Variants in C12orf76 observed in about 807,000 individuals in gnomAD.
C12orf76 encodes the protein chromosome 12 open reading frame 76, also known as uncharacterized protein C12orf76.
Under a neutral mutation model 6.8 loss-of-function variants are expected in C12orf76, and 6 were observed. The observed-to-expected ratio is 0.88, with a 90% CI of 0.48 to 1.73. The LOEUF is 1.73. Ranked by LOEUF, C12orf76 falls within the 40% of genes most tolerant of loss-of-function variation. C12orf76 has a pLI of 0.01. For missense variants in C12orf76, 99 were observed against 98.2 expected (o/e 1.01, Z -0.03); for synonymous variants, 56 against 43.7 (o/e 1.28, Z -1.11).
At chr12:110,053,926 A>C (rs1269779080), upstream of C12orf76, among the ~76,000 whole-genome samples, 1 of 152,064 alleles carries the variant, frequency 6.6e-6, no homozygotes, top group Non-Finnish European at 1.5e-5. Context: ...TTGACGAAAA[A>C]TACAAAAATT....
intron 2 of C12orf76, among the ~76,000 whole-genome samples, chr12:110,060,190 C>T (rs1418857439): frequency 6.6e-6 from 1 of 152,158 alleles, no homozygotes; most frequent in Non-Finnish European, 1.5e-5. Context: ...CACCCCATTA[C>T]ACTCCAGCCT....
intron 1 of C12orf76, 118 bp downstream of exon 1, chr12:110,048,236 TGCACCCCCC>T (rs1221582221): frequency 5.7e-6 from 7 of 1,222,646 alleles, no homozygotes; most frequent in Middle Eastern, 2.9e-4. Context: ...GGGCCTCACC[TGCACCCCCC>T]GCACTCACCC....
At chr12:110,068,292 G>T (rs975230736), upstream of C12orf76, among the ~76,000 whole-genome samples, 1 of 145,144 alleles carries the variant, frequency 6.9e-6, no homozygotes, top group East Asian at 1.9e-4. Flanking sequence ...AGAAGAAGAA[G>T]AAGAAGAAGA....
At chr12:110,048,562 G>A, upstream of C12orf76, 1 of 1,344,012 alleles carries the variant, frequency 7.4e-7, no homozygotes, top group Non-Finnish European at 9.5e-7. Context: ...CTCCTCCCAG[G>A]TCTCTCTGCG....
In C12orf76 at chr12:110,048,355, C is replaced by A; in HGVS notation, c.133+8G>T. ...TACCCGCCGCCCGCCAGCCCGAGGG[C>A]CGCTCACCCAGGTTCTGCCCTCGCA... On this transcript the variant is annotated splice_region_variant and intron_variant, in intron 1 of 1. Coordinates refer to ENST00000615315, the MANE Select transcript of C12orf76 (RefSeq NM_001389625.1). 1 of 1,499,058 alleles carries A rather than the reference C, an allele frequency of 6.7e-7. No homozygotes were observed. Among genetic ancestry groups the A allele is most frequent in the Non-Finnish European group, 8.9e-7 (1 of 1,129,066 alleles). The allele number at this position is 1,499,058 out of a possible 1,614,324, so 92.9% of individuals were successfully genotyped here.
At chr12:110,051,572 G>A (rs915576513), upstream of C12orf76, among the ~76,000 whole-genome samples, 8 of 152,056 alleles carry the variant, frequency 5.3e-5, no homozygotes, top group East Asian at 1.9e-4. Context: ...GATTACAGGC[G>A]CACGCCACCA....
upstream of C12orf76, among the ~76,000 whole-genome samples, chr12:110,069,160 G>A (rs538354270): frequency 2.6e-5 from 4 of 152,248 alleles, no homozygotes; most frequent in South Asian, 2.1e-4. Flanking sequence ...ATGGCTCATC[G>A]CCAGGCACGG....
At chr12:110,045,143 T>C (rs1054018211) in intron 1 of C12orf76, among the ~76,000 whole-genome samples, 1 of 152,220 alleles carries the variant, frequency 6.6e-6, no homozygotes, top group Non-Finnish European at 1.5e-5. Flanking sequence ...ATGTCATGTC[T>C]TAAAATAGCC....
At chr12:110,065,756 C>T in intron 2 of C12orf76, 2 of 1,598,284 alleles carry the variant, frequency 1.3e-6, no homozygotes, top group East Asian at 4.5e-5. Context: ...GATGGTTTCA[C>T]TTCTCTGCAT....
chr12:110,072,635 A>G (rs547532539), upstream of C12orf76, among the ~76,000 whole-genome samples: 20 of 152,316 alleles, frequency 1.3e-4, no homozygotes, highest in African/African-American at 4.8e-4. Context: ...AGAAAAAACA[A>G]AAACCAGCCA....
chr12:110,057,957 G>C (rs1272856307), intron 3 of C12orf76, among the ~76,000 whole-genome samples: 12 of 151,286 alleles, frequency 7.9e-5, no homozygotes, highest in Admixed American at 7.9e-4. Flanking sequence ...CCAGCTACTC[G>C]GGAGGCTGAG....
chr12:110,050,948 G>A (rs117982869), upstream of C12orf76: 4,875 of 710,482 alleles, frequency 6.9e-3, 20 homozygotes, highest in Non-Finnish European at 0.01. Context: ...TGACCCAATG[G>A]CTACCTTTGG....
upstream of C12orf76, chr12:110,050,708 A>G: frequency 2.3e-6 from 1 of 435,448 alleles, no homozygotes; most frequent in Non-Finnish European, 4.1e-6. Flanking sequence ...ATCATCAAGA[A>G]ATAATCATAA....
chr12:110,061,226 G>A (rs1448322197), intron 2 of C12orf76, among the ~76,000 whole-genome samples: 1 of 151,758 alleles, frequency 6.6e-6, no homozygotes, highest in African/African-American at 2.4e-5. Flanking sequence ...CCCCAAATTG[G>A]CTCTTTCTCC....
At chr12:110,049,085 G>A (rs1892528661), upstream of C12orf76, 1 of 152,186 alleles carries the variant, frequency 6.6e-6, no homozygotes, top group African/African-American at 2.4e-5. Flanking sequence ...GACCTGCTCC[G>A]CCCTAGCATG....
chr12:110,066,174 C>A, intron 1 of C12orf76: 17 of 1,204,168 alleles, frequency 1.4e-5, no homozygotes, highest in Non-Finnish European at 1.8e-5. Flanking sequence ...GAGTTCAAGA[C>A]CAGCCTGGCC....
At chr12:110,057,433 G>T (rs1892688699) in intron 3 of C12orf76, 1 of 640,052 alleles carries the variant, frequency 1.6e-6, no homozygotes, top group Admixed American at 2.7e-5. Context: ...GCCGGGCACT[G>T]TGCCTGCAGT....
chr12:110,057,790 G>A (rs560506970), intron 3 of C12orf76, among the ~76,000 whole-genome samples: 16 of 152,144 alleles, frequency 1.1e-4, no homozygotes, highest in South Asian at 1.0e-3. Context: ...CCAGCTGGGC[G>A]CAGTGACTCA....
At chr12:110,048,628 T>C (rs533176035), upstream of C12orf76, 22 of 1,297,190 alleles carry the variant, frequency 1.7e-5, no homozygotes, top group South Asian at 4.2e-4. Flanking sequence ...TGCGTCCTGG[T>C]CTAAGTTCCG....
Sources: gnomAD v4.1 joint callset for allele counts (sites outside exome capture counted in the v4.1 genomes callset) on GRCh38, gnomAD v4.1.1 for gene constraint, MANE v1.5 for transcripts, NCBI Gene and HGNC (gene_info 2026-07-23, HGNC 2026-07-21) for gene names.